CSMD1: variants seen among roughly 807,000 people sequenced by gnomAD.
The protein encoded by CSMD1 is CUB and Sushi multiple domains 1.
A neutral mutation model predicts 417.5 loss-of-function variants in CSMD1; 213 were observed. The observed-to-expected ratio is 0.51, with a 90% CI of 0.46 to 0.57. The LOEUF is 0.57. Among genes scored for constraint, CSMD1 ranks in the 20% least tolerant of loss-of-function variants. CSMD1 has a pLI of 0.00. For synonymous variants in CSMD1, 2,862 were observed against 1,736.8 expected (o/e 1.65, Z -16.11); for missense variants, 6,923 against 4,529.7 (o/e 1.53, Z -15.17).
chr8:3,658,012 A>C (rs554514587), intron 7 of CSMD1, among the ~76,000 whole-genome samples: 4 of 152,312 alleles, frequency 2.6e-5, no homozygotes, highest in African/African-American at 9.6e-5. Context: ...GATTTGGAGA[A>C]GGAAAACTGG....
intron 12 of CSMD1, among the ~76,000 whole-genome samples, chr8:3,457,164 C>T (rs1023236115): frequency 7.7e-5 from 10 of 129,260 alleles, no homozygotes; most frequent in Admixed American, 5.9e-4. Flanking sequence ...CATCCTGTAC[C>T]TCTCTTCCTG....
At chr8:3,766,606 A>T (rs1014850392) in intron 5 of CSMD1, among the ~76,000 whole-genome samples, 15 of 152,182 alleles carry the variant, frequency 9.9e-5, no homozygotes, top group Admixed American at 3.3e-4. Flanking sequence ...GTCGCCAAAC[A>T]CAGAGATCTC....
chr8:4,442,166 C>G (rs565171125), intron 2 of CSMD1, among the ~76,000 whole-genome samples: 2 of 152,294 alleles, frequency 1.3e-5, no homozygotes, highest in South Asian at 2.1e-4. Flanking sequence ...AACACAGCTT[C>G]AAATGCAGGC....
At chr8:4,542,247 A>C (rs1191741369) in intron 2 of CSMD1, among the ~76,000 whole-genome samples, 1 of 152,184 alleles carries the variant, frequency 6.6e-6, no homozygotes, top group African/African-American at 2.4e-5. Flanking sequence ...TCAAGTTAAA[A>C]TACCTTTTTT....
rs1162672231 is a variant in CSMD1 at position 4,834,977 on chromosome 8, AAAAGAAAG to A, written c.85+159347_85+159354del. On this transcript the variant is annotated intron_variant, in intron 1 of 69. Transcript: ENST00000635120. ...ATCTCAAAAAAAAAAAAAAAAAAAA[AAAAGAAAG>A]AAAGAAAGAAAGAAAGAAAGAAAGA... Among the ~76,000 whole-genome samples the A allele has an allele frequency of 4.5e-3, 146 of 32,198 alleles. 1 individual carries two copies. The highest frequency in any genetic ancestry group is 7.3e-3 in the African/African-American group (136 of 18,700). The allele number at this position is 32,198 out of a possible 152,430, so 21.1% of individuals were successfully genotyped here.
At chr8:3,695,280 T>C (rs749524983) in intron 7 of CSMD1, among the ~76,000 whole-genome samples, 2 of 152,108 alleles carry the variant, frequency 1.3e-5, no homozygotes, top group African/African-American at 2.4e-5. Context: ...AAAATTATAG[T>C]GCCGCGATGC....
At chr8:3,611,871 T>A (rs536073720) in intron 8 of CSMD1, among the ~76,000 whole-genome samples, 1 of 152,180 alleles carries the variant, frequency 6.6e-6, no homozygotes, top group East Asian at 1.9e-4. Flanking sequence ...GCCAATAAAT[T>A]TTGATGTAAG....
chr8:4,047,276 G>C (rs757363990), intron 3 of CSMD1, among the ~76,000 whole-genome samples: 1 of 152,084 alleles, frequency 6.6e-6, no homozygotes, highest in East Asian at 1.9e-4. Flanking sequence ...TTCTGGAGTG[G>C]GAGGAAGGGA....
chr8:3,730,026 G>C (rs13250474), intron 6 of CSMD1, among the ~76,000 whole-genome samples: 1 of 135,568 alleles, frequency 7.4e-6, no homozygotes, highest in Non-Finnish European at 1.6e-5. Flanking sequence ...ATCTTTGGTC[G>C]AAGCGCTGCA....
intron 1 of CSMD1, among the ~76,000 whole-genome samples, chr8:4,852,874 T>A (rs143551139): frequency 6.6e-6 from 1 of 152,108 alleles, no homozygotes; most frequent in Admixed American, 6.5e-5. Flanking sequence ...GGTTGCATTG[T>A]TTTCAGGCCC....
intron 10 of CSMD1, among the ~76,000 whole-genome samples, chr8:3,553,122 G>GAA (rs111389411): frequency 0.017 from 2,475 of 146,788 alleles, 38 homozygotes; most frequent in East Asian, 0.043. Flanking sequence ...TGTGGACAAG[G>GAA]AGAAAAAAAA....
intron 4 of CSMD1, among the ~76,000 whole-genome samples, chr8:4,003,876 ATGTT>A (rs1181347592): frequency 2.0e-5 from 3 of 152,316 alleles, no homozygotes; most frequent in East Asian, 3.9e-4. Context: ...GTGTGATAAA[ATGTT>A]TGTTTTTGTT....
intron 3 of CSMD1, among the ~76,000 whole-genome samples, chr8:4,321,754 T>C (rs921886110): frequency 4.6e-5 from 7 of 152,186 alleles, no homozygotes; most frequent in Non-Finnish European, 7.3e-5. Context: ...AAGAGTACTT[T>C]CAAAAAGGAT....
At chr8:3,240,701 G>A (rs1207454141) in intron 26 of CSMD1, among the ~76,000 whole-genome samples, 1 of 152,080 alleles carries the variant, frequency 6.6e-6, no homozygotes, top group Non-Finnish European at 1.5e-5. Context: ...GCAGGTTTGA[G>A]ATCTAGAACA....
At chr8:3,519,965 A>T (rs1202077023) in intron 10 of CSMD1, among the ~76,000 whole-genome samples, 3 of 150,636 alleles carry the variant, frequency 2.0e-5, no homozygotes, top group African/African-American at 7.4e-5. Flanking sequence ...AGTCAGGCAC[A>T]CTTTTTTAAA....
intron 5 of CSMD1, among the ~76,000 whole-genome samples, chr8:3,762,464 G>T (rs1327614082): frequency 6.6e-6 from 1 of 152,174 alleles, no homozygotes; most frequent in African/African-American, 2.4e-5. Flanking sequence ...GTAATGACTT[G>T]GTATAAGGCA....
At chr8:3,079,552 A>G (rs974765708) in intron 49 of CSMD1, among the ~76,000 whole-genome samples, 12 of 152,248 alleles carry the variant, frequency 7.9e-5, no homozygotes, top group Admixed American at 5.9e-4. Context: ...CTTTATGTTC[A>G]TAAGTGAAGG....
chr8:4,578,556 C>A (rs1443146603), intron 2 of CSMD1, among the ~76,000 whole-genome samples: 1 of 151,322 alleles, frequency 6.6e-6, no homozygotes, highest in Non-Finnish European at 1.5e-5. Context: ...ATGCTTCATG[C>A]CTGTAATCTC....
chr8:4,118,788 C>A (rs1802309060), intron 3 of CSMD1, among the ~76,000 whole-genome samples: 1 of 152,150 alleles, frequency 6.6e-6, no homozygotes, highest in Non-Finnish European at 1.5e-5. Flanking sequence ...AAGACACATG[C>A]ACATGTATGT....
Sources: allele counts gnomAD v4.1 joint callset (sites outside exome capture counted in the v4.1 genomes callset), GRCh38; gene constraint gnomAD v4.1.1; transcripts MANE v1.5; gene names NCBI Gene and HGNC (gene_info 2026-07-23, HGNC 2026-07-21).